PXDN: variants seen among roughly 807,000 people sequenced by gnomAD.
PXDN encodes peroxidasin homolog.
Under a neutral mutation model 140.3 loss-of-function variants are expected in PXDN, and 77 were observed. That is an observed-to-expected ratio of 0.55 (90% CI 0.46 to 0.66). The LOEUF (loss-of-function observed/expected upper bound fraction) is 0.66, where lower values mean the gene tolerates loss of function less well. PXDN is among the 30% of genes least tolerant of loss of function. PXDN has a pLI of 0.00. For missense variants in PXDN, 1,838 were observed against 2,039.5 expected, an observed-to-expected ratio of 0.90 and a Z score of 1.90; for synonymous variants, 911 against 857.4, an observed-to-expected ratio of 1.06 and a Z score of -1.09.
intron 21 of PXDN, among the ~76,000 whole-genome samples, chr2:1,637,813 T>C (rs1682607144): frequency 1.3e-5 from 2 of 149,382 alleles, no homozygotes; most frequent in Non-Finnish European, 3.0e-5. Context: ...ACCTGGTCTC[T>C]AGGCTGCGGA....
In PXDN at chr2:1,661,012, C is replaced by G; in HGVS notation, c.1706G>C (p.Gly569Ala). The stretch of plus-strand genomic sequence containing the variant: ...TCCTTCAGGGCTGATGTGAAATTTT[C>G]CACTTTCTGTCACCTGAACCCCATC... ...NKDGVQVTES[G>A]KFHISPEGFL... Residue 569 changes from glycine to alanine, a missense_variant, in exon 14 of 23, where the codon GGA (glycine) becomes GCA (alanine). Physicochemically the swap from Gly to Ala is moderately conservative, Grantham distance 60 (BLOSUM62 0). Around this residue, in one of 5 missense-constraint regions of PXDN, gnomAD observed 537 missense variants for 583.9 expected, o/e 0.92. Coordinates refer to ENST00000252804, the MANE Select transcript of PXDN (RefSeq NM_012293.3). 1.2e-6 allele frequency: 2 copies of G among 1,613,976 alleles called. No homozygotes were observed. Among genetic ancestry groups the G allele is most frequent in the Non-Finnish European group, 1.7e-6 (2 of 1,179,892 alleles).
chr2:1,669,677 T>C (rs2125431034), intron 9 of PXDN: 1 of 152,126 alleles, frequency 6.6e-6, no homozygotes, highest in Non-Finnish European at 1.5e-5. Flanking sequence ...CTGCCTCTAC[T>C]AAAAATACAA....
chr2:1,701,827 C>G (rs1684441253), intron 1 of PXDN, among the ~76,000 whole-genome samples: 1 of 152,118 alleles, frequency 6.6e-6, no homozygotes, highest in South Asian at 2.1e-4. Context: ...GGATGACTGC[C>G]CTTATGAAAG....
chr2:1,735,708 T>C (rs1442244806), intron 1 of PXDN, among the ~76,000 whole-genome samples: 5 of 152,198 alleles, frequency 3.3e-5, no homozygotes, highest in Non-Finnish European at 1.5e-5. Flanking sequence ...CTTAAGACCC[T>C]AGGGTTGGGG....
chr2:1,645,300 T>G (rs1200602343), intron 17 of PXDN, among the ~76,000 whole-genome samples: 1 of 152,238 alleles, frequency 6.6e-6, no homozygotes, highest in East Asian at 1.9e-4. Flanking sequence ...ACAAACATTT[T>G]CATCGACTTC....
intron 8 of PXDN, among the ~76,000 whole-genome samples, chr2:1,675,993 T>C (rs1683697523): frequency 6.6e-6 from 1 of 152,078 alleles, no homozygotes; most frequent in Non-Finnish European, 1.5e-5. Flanking sequence ...CATGGTGGCT[T>C]TACTTCAGGA....
Position 1,662,056 on chromosome 2 carries a change from G to A in PXDN, c.1680+16C>T. ...TGTATCTGGGTGGTGGCTGGCTCGGGCACCAGACCGCCTACCTTGTTCCAG... is the reference window on the plus strand; with the variant it reads ...TGTATCTGGGTGGTGGCTGGCTCGGACACCAGACCGCCTACCTTGTTCCAG... On this transcript the variant is annotated intron_variant, in intron 13 of 22. Transcript: ENST00000252804. 6.4e-7 allele frequency: 1 copy of A among 1,567,242 alleles called. No homozygotes were observed. Among genetic ancestry groups the A allele is most frequent in the Non-Finnish European group, 8.7e-7 (1 of 1,155,566 alleles).
chr2:1,692,407 G>A (rs772142806), intron 2 of PXDN: 13 of 439,716 alleles, frequency 3.0e-5, no homozygotes, highest in Admixed American at 1.0e-4. Context: ...CCTGTGGCCC[G>A]TGCTCCATTC....
At chr2:1,680,130 G>C in intron 7 of PXDN, 63 bp downstream of exon 7, 1 of 1,472,530 alleles carries the variant, frequency 6.8e-7, no homozygotes, top group South Asian at 1.3e-5. Flanking sequence ...TGGTGTGTGT[G>C]TGGATGGTGT....
In PXDN at chr2:1,633,759, A is replaced by G. The variant is rs1054249; in HGVS notation, c.*445T>C. 120,460 of 152,734 alleles carry G rather than the reference A, an allele frequency of 0.79. 48,170 individuals are homozygous for G. The highest frequency in any genetic ancestry group is 0.99 in the East Asian group (5,090 of 5,138). The allele number at this position is 152,734 out of a possible 1,614,324, so 9.5% of individuals were successfully genotyped here. On this transcript the variant is annotated 3_prime_UTR_variant, in exon 23 of 23. Coordinates refer to ENST00000252804, the MANE Select transcript of PXDN (RefSeq NM_012293.3). ...TTCGGTGAGCCCCTCTGGCAGCTCC[A>G]AGACTCACCCCACCTGCGGGTGACA...
At chr2:1,706,641 A>G (rs1392002965) in intron 1 of PXDN, among the ~76,000 whole-genome samples, 2 of 80,932 alleles carry the variant, frequency 2.5e-5, no homozygotes, top group Admixed American at 1.0e-4. Context: ...ATACAATCTG[A>G]GAGCATGCTT....
chr2:1,678,294 A>C (rs1239454211), intron 7 of PXDN, among the ~76,000 whole-genome samples: 3 of 152,018 alleles, frequency 2.0e-5, no homozygotes, highest in African/African-American at 7.2e-5. Context: ...ACATCATCCC[A>C]ACGTTCCGTA....
At chr2:1,737,891 G>A (rs1213357531) in intron 1 of PXDN, among the ~76,000 whole-genome samples, 1 of 152,180 alleles carries the variant, frequency 6.6e-6, no homozygotes, top group East Asian at 1.9e-4. Context: ...AAAATTACTA[G>A]TGTTATGAAT....
chr2:1,740,091 G>A (rs754868451), intron 1 of PXDN, among the ~76,000 whole-genome samples: 45 of 152,292 alleles, frequency 3.0e-4, no homozygotes, highest in Admixed American at 1.8e-3. Flanking sequence ...CTGGCGTCCC[G>A]GGACCGCGGG....
intron 2 of PXDN, 140 bp downstream of exon 2, chr2:1,692,913 TGGCATTCAGG>T: frequency 1.4e-6 from 1 of 713,384 alleles, no homozygotes; most frequent in Non-Finnish European, 2.4e-6. Flanking sequence ...TTCACAGTCC[TGGCATTCAGG>T]GGCATTTTCC....
At chr2:1,676,886 C>T (rs371546604) in intron 8 of PXDN, 41 bp downstream of exon 8, 54 of 1,553,876 alleles carry the variant, frequency 3.5e-5, no homozygotes, top group African/African-American at 9.5e-5. Flanking sequence ...AGTGTAACTC[C>T]GAGAGATGCA....
chr2:1,670,864 G>A (rs902896746), intron 9 of PXDN, among the ~76,000 whole-genome samples: 12 of 152,294 alleles, frequency 7.9e-5, no homozygotes, highest in African/African-American at 2.9e-4. Context: ...CCCACCCAGG[G>A]AACAGTGCCC....
chr2:1,718,690 C>T (rs933650628), intron 1 of PXDN, among the ~76,000 whole-genome samples: 2 of 152,240 alleles, frequency 1.3e-5, no homozygotes, highest in Non-Finnish European at 2.9e-5. Context: ...GCAGCAAACA[C>T]GGGGTGACGC....
chr2:1,743,917 C>T (rs1010895202), intron 1 of PXDN, among the ~76,000 whole-genome samples: 12 of 35,676 alleles, frequency 3.4e-4, no homozygotes, highest in Non-Finnish European at 1.1e-4. Context: ...GAGGGGGCGG[C>T]GGGAGGCGAG....
Sources: gnomAD v4.1 joint callset for allele counts (sites outside exome capture counted in the v4.1 genomes callset) on GRCh38, gnomAD v4.1.1 for gene constraint, gnomAD v4.1.1 regional missense constraint, MANE v1.5 for transcripts, NCBI Gene and HGNC (gene_info 2026-07-23, HGNC 2026-07-21) for gene names.